The following HIPK2 variants were observed in gnomAD, a reference collection of about 807,000 sequenced individuals.
HIPK2 encodes homeodomain-interacting protein kinase 2.
Under a neutral mutation model 113.7 loss-of-function variants are expected in HIPK2, and 27 were observed. The observed-to-expected ratio is 0.24, with a 90% CI of 0.17 to 0.33. HIPK2 has a LOEUF of 0.33. Among genes scored for constraint, HIPK2 ranks in the 10% least tolerant of loss-of-function variants. HIPK2 has a pLI of 1.00. For synonymous variants in HIPK2, 631 were observed against 642.2 expected (o/e 0.98, Z 0.26); for missense variants, 1,257 against 1,588.0 (o/e 0.79, Z 3.54).
At chr7:139,671,804 TC>T (rs1334495014) in intron 2 of HIPK2, among the ~76,000 whole-genome samples, 1 of 152,204 alleles carries the variant, frequency 6.6e-6, no homozygotes, top group Non-Finnish European at 1.5e-5. Context: ...TGCCTCGGCC[TC>T]CCAAAGTGCT....
intron 2 of HIPK2, among the ~76,000 whole-genome samples, chr7:139,641,219 G>C (rs1361117676): frequency 6.6e-6 from 1 of 152,020 alleles, no homozygotes; most frequent in African/African-American, 2.4e-5. Context: ...ACAAAAATTA[G>C]CCGGACATGG....
At chr7:139,595,416 A>G (rs1204132699) in intron 12 of HIPK2, among the ~76,000 whole-genome samples, 1 of 152,152 alleles carries the variant, frequency 6.6e-6, no homozygotes, top group African/African-American at 2.4e-5. Flanking sequence ...TCAAAAAGGG[A>G]CCTGAGGCCA....
intron 6 of HIPK2, among the ~76,000 whole-genome samples, chr7:139,620,996 T>C (rs1277040927): frequency 6.6e-6 from 1 of 152,156 alleles, no homozygotes; most frequent in Non-Finnish European, 1.5e-5. Flanking sequence ...ACCCTTGTAG[T>C]CACCTGCTTC....
intron 2 of HIPK2, among the ~76,000 whole-genome samples, chr7:139,692,494 G>A (rs1302072417): frequency 6.6e-6 from 1 of 152,192 alleles, no homozygotes; most frequent in Non-Finnish European, 1.5e-5. Flanking sequence ...AGCAGGACAG[G>A]TTCTTTTCCT....
At chr7:139,685,088 A>G (rs960357358) in intron 2 of HIPK2, among the ~76,000 whole-genome samples, 6 of 152,274 alleles carry the variant, frequency 3.9e-5, no homozygotes, top group Admixed American at 6.5e-5. Context: ...AAAGGGAAGC[A>G]GCAAGTGCCC....
At chr7:139,744,884 C>T (rs540095362) in intron 1 of HIPK2, among the ~76,000 whole-genome samples, 4 of 152,328 alleles carry the variant, frequency 2.6e-5, no homozygotes, top group Admixed American at 2.0e-4. Context: ...AGATCACTCC[C>T]TGGACAAAGG....
chr7:139,653,498 G>A (rs888870986), intron 2 of HIPK2, among the ~76,000 whole-genome samples: 5 of 151,054 alleles, frequency 3.3e-5, no homozygotes, highest in African/African-American at 1.2e-4. Flanking sequence ...CATGGACCTC[G>A]GGAAGGAGGC....
At chr7:139,651,308 A>G (rs1801449988) in intron 2 of HIPK2, among the ~76,000 whole-genome samples, 1 of 151,990 alleles carries the variant, frequency 6.6e-6, no homozygotes, top group South Asian at 2.1e-4. Context: ...GCAAGCTGCT[A>G]TTCCACAGGA....
intron 2 of HIPK2, among the ~76,000 whole-genome samples, chr7:139,688,444 G>C (rs1266971790): frequency 6.6e-6 from 1 of 152,092 alleles, no homozygotes; most frequent in Non-Finnish European, 1.5e-5. Context: ...GACACAGGAA[G>C]GTGTGGAAGA....
Position 139,568,262 on chromosome 7 carries a change from G to A in HIPK2, c.*4665C>T, listed in dbSNP as rs531364648. On this transcript the variant is annotated 3_prime_UTR_variant, in exon 15 of 15. Coordinates refer to ENST00000406875, the MANE Select transcript of HIPK2 (RefSeq NM_022740.5). The stretch of plus-strand genomic sequence containing the variant: ...AGCCCGTGAACACCTCAGCCACCAG[G>A]AAGACTAGAAAGGCTAACAGTCCAG... 6.6e-6 allele frequency: 1 copy of A among 152,446 alleles called. No homozygotes were observed. The highest frequency in any genetic ancestry group is 2.1e-4 in the South Asian group (1 of 4,828). The allele number at this position is 152,446 out of a possible 1,614,324, so 9.4% of individuals were successfully genotyped here. A position where few individuals can be genotyped will look rare whatever the true frequency, so the allele number is the denominator to read the frequency against.
chr7:139,607,424 G>A lies in HIPK2; in HGVS notation c.2113-3201C>T, dbSNP rs533225949. 5.3e-5 allele frequency among the ~76,000 whole-genome samples: 8 copies of A among 152,252 alleles called. No individual in the cohort carries two copies. In the South Asian group the frequency reaches 1.7e-3, roughly 32 times the overall value. On this transcript the variant is annotated intron_variant, in intron 9 of 14. Transcript: ENST00000406875. ...AGTCATGAAATGTGAGTCCACTGTG[G>A]ATGAGGAGAAAGTCGCTTTCAGAGA...
At position 139,562,089 on chromosome 7, in the gene HIPK2, C is replaced by T. The variant is rs1356180007; in HGVS notation, c.*10838G>A. 6.6e-6 allele frequency: 1 copy of T among 152,068 alleles called. No individual in the cohort carries two copies. Among genetic ancestry groups the T allele is most frequent in the Non-Finnish European group, 1.5e-5 (1 of 68,034 alleles). 9.4% of individuals were successfully genotyped at this position (152,068 alleles called of 1,614,324 possible). A position where few individuals can be genotyped will look rare whatever the true frequency, so the allele number is the denominator to read the frequency against. On this transcript the variant is annotated 3_prime_UTR_variant, in exon 15 of 15. Coordinates refer to ENST00000406875, the MANE Select transcript of HIPK2 (RefSeq NM_022740.5). ...ATAGGTTACATATAGGTCTACAACA[C>T]ATTGGTTTGTCTTTAAAAAAACAAA...
At chr7:139,651,725 A>C (rs1801465226) in intron 2 of HIPK2, among the ~76,000 whole-genome samples, 1 of 152,244 alleles carries the variant, frequency 6.6e-6, no homozygotes, top group Non-Finnish European at 1.5e-5. Context: ...ACAAACAAAC[A>C]AACAAAAAAG....
At position 139,563,004 on chromosome 7, in the gene HIPK2, T is replaced by C. The variant is rs1360493971; in HGVS notation, c.*9923A>G. ...GAAGAGATGATTTGGGGGCTAGAGATGACTGTGCCCTGGAAAGTCCATGGA... is the reference window on the plus strand; with the variant it reads ...GAAGAGATGATTTGGGGGCTAGAGACGACTGTGCCCTGGAAAGTCCATGGA... On this transcript the variant is annotated 3_prime_UTR_variant, in exon 15 of 15. Transcript: ENST00000406875. The C allele has an allele frequency of 4.6e-5, 7 of 152,174 alleles. No individual in the cohort carries two copies. The highest frequency in any genetic ancestry group is 1.5e-5 in the Non-Finnish European group (1 of 68,006). The allele number at this position is 152,174 out of a possible 1,614,324, so 9.4% of individuals were successfully genotyped here. A position where few individuals can be genotyped will look rare whatever the true frequency, so the allele number is the denominator to read the frequency against.
chr7:139,596,082 C>T (rs1369179651), intron 12 of HIPK2, among the ~76,000 whole-genome samples: 1 of 152,194 alleles, frequency 6.6e-6, no homozygotes, highest in Non-Finnish European at 1.5e-5. Flanking sequence ...AAACAAAAAC[C>T]ACATTTTGCT....
intron 1 of HIPK2, among the ~76,000 whole-genome samples, chr7:139,773,004 A>G (rs1181150654): frequency 6.6e-6 from 1 of 151,964 alleles, no homozygotes; most frequent in Non-Finnish European, 1.5e-5. Flanking sequence ...TAGTGAGTCT[A>G]TGCTTCTTTC....
intron 13 of HIPK2, among the ~76,000 whole-genome samples, chr7:139,581,770 G>A (rs2116530066): frequency 6.6e-6 from 1 of 152,306 alleles, no homozygotes; most frequent in East Asian, 1.9e-4. Context: ...GGTATTGAAC[G>A]CCACTGGCTG....
At position 139,563,008 on chromosome 7, in the gene HIPK2, T is replaced by A. The variant is rs1291361896; in HGVS notation, c.*9919A>T. 1 of 152,092 alleles carries A rather than the reference T, an allele frequency of 6.6e-6. No individual in the cohort carries two copies. The highest frequency in any genetic ancestry group is 1.5e-5 in the Non-Finnish European group (1 of 68,054). The allele number at this position is 152,092 out of a possible 1,614,324, so 9.4% of individuals were successfully genotyped here. A position where few individuals can be genotyped will look rare whatever the true frequency, so the allele number is the denominator to read the frequency against. On this transcript the variant is annotated 3_prime_UTR_variant, in exon 15 of 15. Coordinates refer to ENST00000406875, the MANE Select transcript of HIPK2 (RefSeq NM_022740.5). ...AGATGATTTGGGGGCTAGAGATGAC[T>A]GTGCCCTGGAAAGTCCATGGAAGAA...
chr7:139,776,742 A>C (rs1002502389), intron 1 of HIPK2, among the ~76,000 whole-genome samples: 4 of 152,230 alleles, frequency 2.6e-5, no homozygotes, highest in South Asian at 4.1e-4. Context: ...CTACAAGCAC[A>C]CAAAAACACA....
Sources: allele counts gnomAD v4.1 joint callset (sites outside exome capture counted in the v4.1 genomes callset), GRCh38; gene constraint gnomAD v4.1.1; transcripts MANE v1.5; gene names NCBI Gene and HGNC (gene_info 2026-07-23, HGNC 2026-07-21).